ICE1: variants seen among roughly 807,000 people sequenced by gnomAD.
The protein encoded by ICE1 is little elongation complex subunit 1.
A neutral mutation model predicts 192.7 loss-of-function variants in ICE1; 64 were observed. That is an observed-to-expected ratio of 0.33 (90% confidence interval 0.27 to 0.41). The LOEUF is 0.41. ICE1 is among the 10% of genes least tolerant of loss of function. The pLI is 1.00. For synonymous variants in ICE1, 1,010 were observed against 984.5 expected, an observed-to-expected ratio of 1.03 and a Z score of -0.49; for missense variants, 2,708 against 2,696.0, an observed-to-expected ratio of 1.00 and a Z score of -0.10.
chr5:5,469,006 T>G lies in ICE1; in HGVS notation c.6222+18T>G. On this transcript the variant is annotated intron_variant, in intron 15 of 18. Coordinates refer to ENST00000296564, the MANE Select transcript of ICE1 (RefSeq NM_015325.3). ...GGGAAAAGGTGAGCCATATTTCTGTTTCTTACAGTATCTTACTTTTAGATA... is the reference window on the plus strand; with the variant it reads ...GGGAAAAGGTGAGCCATATTTCTGTGTCTTACAGTATCTTACTTTTAGATA... The G allele has an allele frequency of 6.8e-7, 1 of 1,476,658 alleles. No individual in the cohort carries two copies. 91.5% of individuals were successfully genotyped at this position (1,476,658 alleles called of 1,614,324 possible). A position where few individuals can be genotyped will look rare whatever the true frequency, so the allele number is the denominator to read the frequency against.
At position 5,454,656 on chromosome 5, in the gene ICE1, A is replaced by G; in HGVS notation, c.691+18A>G. On this transcript the variant is annotated intron_variant, in intron 11 of 18. Coordinates refer to ENST00000296564, the MANE Select transcript of ICE1 (RefSeq NM_015325.3). ...TGTCCCAGGTGAGAGAGAAGCTTAC[A>G]GAAACCGATTTCATATGTGAAAGTA... 1 of 1,596,846 alleles carries G rather than the reference A, an allele frequency of 6.3e-7. No homozygotes were observed. The highest frequency in any genetic ancestry group is 8.6e-7 in the Non-Finnish European group (1 of 1,164,922).
intron 17 of ICE1, among the ~76,000 whole-genome samples, chr5:5,480,202 C>T (rs770438254): frequency 3.3e-5 from 5 of 151,124 alleles, no homozygotes; most frequent in Admixed American, 2.6e-4. Flanking sequence ...CCCTTAGATA[C>T]TTTGAAGATA....
At chr5:5,432,563 CTATT>C (rs1189366687) in intron 1 of ICE1, among the ~76,000 whole-genome samples, 2 of 152,074 alleles carry the variant, frequency 1.3e-5, no homozygotes, top group African/African-American at 2.4e-5. Flanking sequence ...CGTTGGGTAA[CTATT>C]TAACATTTTG....
intron 5 of ICE1, 83 bp downstream of exon 5, chr5:5,441,306 T>G: frequency 1.2e-6 from 1 of 848,204 alleles, no homozygotes; most frequent in Non-Finnish European, 1.9e-6. Flanking sequence ...GAGGGGGCTT[T>G]TGATGTGTTA....
chr5:5,432,002 G>T (rs528814590), intron 1 of ICE1, among the ~76,000 whole-genome samples: 1 of 151,042 alleles, frequency 6.6e-6, no homozygotes, highest in African/African-American at 2.4e-5. Flanking sequence ...TAACTTTATG[G>T]TCAAATATTT....
chr5:5,481,482 T>G (rs975547325), intron 17 of ICE1, among the ~76,000 whole-genome samples: 1 of 152,168 alleles, frequency 6.6e-6, no homozygotes, highest in Admixed American at 6.5e-5. Context: ...CTAACTAGTG[T>G]TTATCTTCTG....
chr5:5,449,972 A>C (rs1349128083), intron 10 of ICE1, among the ~76,000 whole-genome samples: 1 of 152,236 alleles, frequency 6.6e-6, no homozygotes, highest in African/African-American at 2.4e-5. Flanking sequence ...GGTCCCACAG[A>C]TTTATGAAAT....
chr5:5,477,160 C>G (rs1471167183), intron 17 of ICE1, among the ~76,000 whole-genome samples: 1 of 151,950 alleles, frequency 6.6e-6, no homozygotes, highest in Non-Finnish European at 1.5e-5. Flanking sequence ...AGAAAGATCT[C>G]TTAGACAGAA....
intron 8 of ICE1, 26 bp downstream of exon 8, chr5:5,447,535 C>G (rs1319291941): frequency 6.7e-7 from 1 of 1,503,452 alleles, no homozygotes; most frequent in East Asian, 2.5e-5. Context: ...AGCATACACA[C>G]ACCTTAAATA....
chr5:5,450,558 T>G (rs1239520359), intron 10 of ICE1, among the ~76,000 whole-genome samples: 1 of 152,146 alleles, frequency 6.6e-6, no homozygotes, highest in Non-Finnish European at 1.5e-5. Flanking sequence ...ACATGGAATA[T>G]TCATATTCAT....
Position 5,461,974 on chromosome 5 carries a change from A to C in ICE1, c.2640A>C (p.Pro880=). ...GTGCCAAATTGGAACACTTGAGGCC[A>C]CATAGGGTTGAGCCTACCTTAGTAA... is the stretch of plus-strand genomic sequence containing the variant. ...VQSAKLEHLR[P]HRVEPTLVTE... is the part of the protein sequence containing the mutation. The change falls in exon 13 of 19, where the codon CCA becomes CCC. Residue 880 remains proline, a synonymous_variant. Coordinates refer to ENST00000296564, the MANE Select transcript of ICE1 (RefSeq NM_015325.3). 2 of 1,613,982 alleles carry C rather than the reference A, an allele frequency of 1.2e-6. No homozygotes were observed. The highest frequency in any genetic ancestry group is 1.7e-6 in the Non-Finnish European group (2 of 1,179,896).
chr5:5,434,857 G>A (rs1193135337), intron 1 of ICE1, among the ~76,000 whole-genome samples: 1 of 151,982 alleles, frequency 6.6e-6, no homozygotes, highest in African/African-American at 2.4e-5. Context: ...GTAAATTTTT[G>A]TTATTTTAGT....
chr5:5,460,321 C>T (rs16875597), intron 12 of ICE1, 115 bp from the exon 13 acceptor site: 54,806 of 768,986 alleles, frequency 0.071, 6,315 homozygotes, highest in East Asian at 0.35. Context: ...CCTGCTCAAA[C>T]GTGATTGTAA....
chr5:5,433,314 T>C (rs76670937), intron 1 of ICE1, among the ~76,000 whole-genome samples: 2,020 of 152,268 alleles, frequency 0.013, 48 homozygotes, highest in African/African-American at 0.046. Flanking sequence ...TAAATGCTTA[T>C]GAGAAAGTTT....
At chr5:5,481,707 C>T (rs1048882217) in intron 17 of ICE1, among the ~76,000 whole-genome samples, 17 of 152,334 alleles carry the variant, frequency 1.1e-4, no homozygotes, top group Middle Eastern at 6.8e-3. Flanking sequence ...TTTTCATCAG[C>T]AGTGGAGCAC....
intron 1 of ICE1, among the ~76,000 whole-genome samples, chr5:5,427,298 G>A (rs1393313214): frequency 6.6e-6 from 1 of 152,118 alleles, no homozygotes; most frequent in African/African-American, 2.4e-5. Context: ...CAGAACTTTG[G>A]CAGTCAGATA....
chr5:5,468,358 C>A (rs1182070789), intron 14 of ICE1, among the ~76,000 whole-genome samples: 1 of 152,106 alleles, frequency 6.6e-6, no homozygotes, highest in Non-Finnish European at 1.5e-5. Flanking sequence ...ATTCATTGAA[C>A]TTTATACTTT....
At chr5:5,435,217 AGT>A (rs1162471235) in intron 1 of ICE1, among the ~76,000 whole-genome samples, 2 of 152,224 alleles carry the variant, frequency 1.3e-5, no homozygotes, top group Non-Finnish European at 2.9e-5. Context: ...AAACACGCTG[AGT>A]GATTTTTGAC....
rs1440952921 is a variant in ICE1, at chr5:5,446,540, C to G, written c.425-887C>G. Among the ~76,000 whole-genome samples, 7 of 152,082 alleles carry G rather than the reference C, an allele frequency of 4.6e-5. No individual in the cohort carries two copies. In the East Asian group the frequency reaches 1.3e-3, roughly 29 times the overall value. On this transcript the variant is annotated intron_variant, in intron 7 of 18. Transcript: ENST00000296564. Reference sequence around the variant, plus strand: ...TCCTGGGCTCAAGAAACCTGCTCATCCTCCCAAAGTGCTGGGATCACAGTC... The same window carrying G: ...TCCTGGGCTCAAGAAACCTGCTCATGCTCCCAAAGTGCTGGGATCACAGTC...
Sources: gnomAD v4.1 joint callset for allele counts (sites outside exome capture counted in the v4.1 genomes callset) on GRCh38, gnomAD v4.1.1 for gene constraint, MANE v1.5 for transcripts, NCBI Gene and HGNC (gene_info 2026-07-23, HGNC 2026-07-21) for gene names.